Variants in NAALADL2 observed in about 807,000 individuals in gnomAD.
The protein encoded by NAALADL2 is inactive N-acetylated-alpha-linked acidic dipeptidase-like protein 2.
Under a neutral mutation model 87.2 loss-of-function variants are expected in NAALADL2, and 76 were observed. The ratio of observed to expected loss-of-function variants is 0.87; its 90% CI spans 0.72 to 1.05. The LOEUF (loss-of-function observed/expected upper bound fraction) is 1.05. NAALADL2 is among the 50% of genes least tolerant of loss of function. The probability of loss-of-function intolerance (pLI) is 0.00; values close to 1 mark genes in which losing one functional copy is unlikely to be tolerated. For synonymous variants in NAALADL2, 354 were observed against 331.0 expected, an observed-to-expected ratio of 1.07 and a Z score of -0.75; for missense variants, 1,089 against 945.8, an observed-to-expected ratio of 1.15 and a Z score of -1.99.
intron 3 of NAALADL2, among the ~76,000 whole-genome samples, chr3:174,822,217 A>G (rs1721505944): frequency 6.6e-6 from 1 of 151,964 alleles, no homozygotes; most frequent in African/African-American, 2.4e-5. Context: ...CAAATATAAC[A>G]CTATATGAGA....
At chr3:175,073,169 TCTCTC>T (rs1296155070) in intron 1 of NAALADL2, among the ~76,000 whole-genome samples, 1 of 152,104 alleles carries the variant, frequency 6.6e-6, no homozygotes, top group Non-Finnish European at 1.5e-5. Context: ...ACAATTGCCT[TCTCTC>T]CTCAGTTACT....
intron 1 of NAALADL2, chr3:174,864,181 C>G: frequency 5.3e-6 from 2 of 379,694 alleles, no homozygotes; most frequent in Non-Finnish European, 1.0e-5. Context: ...GTCTTTGCAG[C>G]AGGCAAAAGA....
intron 2 of NAALADL2, among the ~76,000 whole-genome samples, chr3:174,588,803 C>A (rs954779874): frequency 6.6e-6 from 1 of 152,128 alleles, no homozygotes; most frequent in African/African-American, 2.4e-5. Context: ...GGGTGCCTCC[C>A]AGTTAGGCTA....
chr3:175,633,460 G>A (rs1412215744), intron 11 of NAALADL2, among the ~76,000 whole-genome samples: 1 of 152,024 alleles, frequency 6.6e-6, no homozygotes, highest in Non-Finnish European at 1.5e-5. Context: ...ACATTTAGAA[G>A]AGAAAGGCTT....
chr3:175,162,940 G>A (rs1733455258), intron 2 of NAALADL2, among the ~76,000 whole-genome samples: 1 of 152,010 alleles, frequency 6.6e-6, no homozygotes, highest in Admixed American at 6.6e-5. Context: ...TGAAAATGAT[G>A]TTGACATATG....
At chr3:175,225,711 C>A (rs1280649424) in intron 2 of NAALADL2, among the ~76,000 whole-genome samples, 2 of 152,044 alleles carry the variant, frequency 1.3e-5, no homozygotes, top group South Asian at 2.1e-4. Flanking sequence ...AATAATGACT[C>A]TTTTTATCAA....
At chr3:174,558,747 G>A (rs1439462895) in intron 2 of NAALADL2, among the ~76,000 whole-genome samples, 1 of 152,076 alleles carries the variant, frequency 6.6e-6, no homozygotes, top group Non-Finnish European at 1.5e-5. Flanking sequence ...ACAGGCCATG[G>A]ACTGATCCTG....
At chr3:174,460,442 AC>A (rs577161111) in intron 1 of NAALADL2, among the ~76,000 whole-genome samples, 200 of 152,228 alleles carry the variant, frequency 1.3e-3, no homozygotes, top group African/African-American at 4.6e-3. Context: ...TTTGAAAAAA[AC>A]ATGTTTGTAA....
intron 1 of NAALADL2, among the ~76,000 whole-genome samples, chr3:174,512,655 C>T (rs1719672792): frequency 1.3e-5 from 2 of 152,060 alleles, no homozygotes; most frequent in Non-Finnish European, 1.5e-5. Flanking sequence ...TTTTAGCTGC[C>T]TTGGCCTCCC....
chr3:174,767,040 C>T (rs1713891453), intron 3 of NAALADL2, among the ~76,000 whole-genome samples: 1 of 152,132 alleles, frequency 6.6e-6, no homozygotes, highest in Admixed American at 6.5e-5. Context: ...TGGGTGGTAG[C>T]CCTGGTGTTG....
At chr3:174,515,591 ATAT>A (rs1208235670) in intron 1 of NAALADL2, among the ~76,000 whole-genome samples, 2 of 151,922 alleles carry the variant, frequency 1.3e-5, no homozygotes, top group African/African-American at 4.8e-5. Flanking sequence ...ATATTAATAA[ATAT>A]TATAGATGTG....
chr3:175,628,228 T>A (rs1308351422), intron 11 of NAALADL2, among the ~76,000 whole-genome samples: 1 of 151,784 alleles, frequency 6.6e-6, no homozygotes, highest in Non-Finnish European at 1.5e-5. Flanking sequence ...GACTTTTTTC[T>A]ATAAAATAGG....
intron 2 of NAALADL2, among the ~76,000 whole-genome samples, chr3:174,731,382 C>T (rs1448601643): frequency 1.3e-5 from 2 of 152,122 alleles, no homozygotes; most frequent in African/African-American, 4.8e-5. Flanking sequence ...CAGCTGGTGG[C>T]ATTTCGGCAT....
chr3:175,313,582 G>A (rs1006547001), intron 4 of NAALADL2, among the ~76,000 whole-genome samples: 1 of 152,134 alleles, frequency 6.6e-6, no homozygotes, highest in African/African-American at 2.4e-5. Context: ...AGGGTGAGAA[G>A]GCAATTTAGG....
intron 1 of NAALADL2, among the ~76,000 whole-genome samples, chr3:174,899,767 G>GT (rs375410859): frequency 1.8e-4 from 27 of 152,022 alleles, no homozygotes; most frequent in African/African-American, 6.3e-4. Flanking sequence ...AATTTCCAGT[G>GT]TTTTTTTCTA....
intron 2 of NAALADL2, among the ~76,000 whole-genome samples, chr3:174,719,212 C>T (rs1006750445): frequency 1.3e-5 from 2 of 151,806 alleles, no homozygotes; most frequent in African/African-American, 4.8e-5. Flanking sequence ...ACATTTGTAC[C>T]ACCTCTCATA....
intron 5 of NAALADL2, among the ~76,000 whole-genome samples, chr3:175,356,620 A>G (rs960431608): frequency 2.0e-5 from 3 of 149,854 alleles, no homozygotes; most frequent in Non-Finnish European, 4.4e-5. Context: ...AAAGAAATAA[A>G]AGAAAATACC....
chr3:174,702,116 T>C (rs1258092421), intron 2 of NAALADL2, among the ~76,000 whole-genome samples: 2 of 152,166 alleles, frequency 1.3e-5, no homozygotes, highest in Non-Finnish European at 2.9e-5. Flanking sequence ...CTGGTCAGTC[T>C]ACTAAGTATG....
chr3:175,171,107 T>C (rs1051275174), intron 2 of NAALADL2, among the ~76,000 whole-genome samples: 1 of 151,996 alleles, frequency 6.6e-6, no homozygotes, highest in African/African-American at 2.4e-5. Flanking sequence ...TCTTATATGG[T>C]GTTGTCATAC....
Sources: allele counts gnomAD v4.1 joint callset (sites outside exome capture counted in the v4.1 genomes callset), GRCh38; gene constraint gnomAD v4.1.1; transcripts MANE v1.5; gene names NCBI Gene and HGNC (gene_info 2026-07-23, HGNC 2026-07-21).